SERINC2: variants seen among roughly 807,000 people sequenced by gnomAD.
SERINC2 encodes the protein serine incorporator 2.
Under a neutral mutation model 54.2 loss-of-function variants are expected in SERINC2, and 56 were observed. That is an observed-to-expected ratio of 1.03 (90% confidence interval 0.83 to 1.29). SERINC2 has a LOEUF of 1.29. Ranked by LOEUF, SERINC2 falls within the 50% of genes most tolerant of loss-of-function variation. SERINC2 has a pLI of 0.00. For missense variants in SERINC2, 614 were observed against 607.4 expected (o/e 1.01, Z -0.12); for synonymous variants, 272 against 253.1 (o/e 1.07, Z -0.71).
chr1:31,415,330 TG>T (rs1640756851), intron 1 of SERINC2, among the ~76,000 whole-genome samples: 1 of 152,188 alleles, frequency 6.6e-6, no homozygotes, highest in African/African-American at 2.4e-5. Context: ...GCCATCCCCT[TG>T]GGGTTCTGGC....
chr1:31,413,731 C>T lies in SERINC2; in HGVS notation c.39+427C>T. On this transcript the variant is annotated intron_variant, in intron 1 of 9. Transcript: ENST00000373709. The surrounding 1 kb of genome is among the most constrained non-coding windows in gnomAD (Gnocchi z 5.0). ...TGTGTAGGTCGCCCGGGCCCCGTCC[C>T]TCCTGGCGAGTGCCCTGCCCTACCC... is the stretch of plus-strand genomic sequence containing the variant. The T allele has an allele frequency of 7.6e-7, 1 of 1,315,420 alleles. No homozygotes were observed. Among genetic ancestry groups the T allele is most frequent in the East Asian group, 3.3e-5 (1 of 30,406 alleles). The allele number at this position is 1,315,420 out of a possible 1,614,324, so 81.5% of individuals were successfully genotyped here.
At chr1:31,420,995 G>A (rs747439037) in intron 1 of SERINC2, among the ~76,000 whole-genome samples, 10 of 152,154 alleles carry the variant, frequency 6.6e-5, no homozygotes, top group Non-Finnish European at 1.0e-4. Flanking sequence ...TTATAGCAGG[G>A]GTCCCCAACC....
rs1433431883 is a variant in SERINC2, at chr1:31,413,895, G to T, written c.39+591G>T. The T allele has an allele frequency of 2.8e-6, 4 of 1,445,804 alleles. No homozygotes were observed. The highest frequency in any genetic ancestry group is 3.6e-6 in the Non-Finnish European group (4 of 1,107,080). 89.6% of individuals were successfully genotyped at this position (1,445,804 alleles called of 1,614,324 possible). ...CTGTCTTCTGTCCGTCTGCCCGTCC[G>T]CCCGTCCGTCCCTCAGTCTCTCTGC... is the stretch of plus-strand genomic sequence containing the variant. On this transcript the variant is annotated intron_variant, in intron 1 of 9. Coordinates refer to ENST00000373709, the MANE Select transcript of SERINC2 (RefSeq NM_178865.5). This position sits in a 1 kb window ranked among gnomAD's most constrained non-coding sequence, Gnocchi z 5.0.
intron 8 of SERINC2, 33 bp downstream of exon 8, chr1:31,429,571 A>G (rs10047085): frequency 0.38 from 599,899 of 1,563,714 alleles, 116,223 homozygotes; most frequent in East Asian, 0.48. Context: ...GGGAAGGATC[A>G]TGATTGAGGG....
chr1:31,417,624 C>G (rs889335667), intron 1 of SERINC2, among the ~76,000 whole-genome samples: 1 of 152,274 alleles, frequency 6.6e-6, no homozygotes, highest in Non-Finnish European at 1.5e-5. Flanking sequence ...GCAACCATCA[C>G]CACCATCCTT....
intron 8 of SERINC2, among the ~76,000 whole-genome samples, chr1:31,432,400 G>C (rs1307997470): frequency 2.6e-5 from 4 of 152,044 alleles, no homozygotes; most frequent in African/African-American, 4.8e-5. Context: ...TCACAGAAAA[G>C]CATGACATAC....
In SERINC2 at chr1:31,434,494, T is replaced by G; in HGVS notation, c.*295T>G. On this transcript the variant is annotated 3_prime_UTR_variant, in exon 10 of 10. Coordinates refer to ENST00000373709, the MANE Select transcript of SERINC2 (RefSeq NM_178865.5). ...CATCTCGGATGAAAGGGCTCCCTTG[T>G]CCTCAGGCTCCACGGGAGCGGGGCT... The G allele has an allele frequency of 2.4e-6, 1 of 413,790 alleles. No homozygotes were observed. Among genetic ancestry groups the G allele is most frequent in the Non-Finnish European group, 4.4e-6 (1 of 228,672 alleles). 25.6% of individuals were successfully genotyped at this position (413,790 alleles called of 1,614,324 possible).
At chr1:31,426,857 C>G in intron 6 of SERINC2, 34 bp downstream of exon 6, 1 of 1,597,846 alleles carries the variant, frequency 6.3e-7, no homozygotes, top group African/African-American at 1.3e-5. Context: ...GCCTGAAGCC[C>G]GGCCCCTTAG....
intron 1 of SERINC2, among the ~76,000 whole-genome samples, chr1:31,417,610 T>C (rs1050583957): frequency 1.2e-4 from 19 of 152,224 alleles, no homozygotes; most frequent in African/African-American, 4.3e-4. Context: ...ATTGACACTG[T>C]TATGCAACCA....
At chr1:31,412,323 C>T (rs1640664566), upstream of SERINC2, among the ~76,000 whole-genome samples, 1 of 152,238 alleles carries the variant, frequency 6.6e-6, no homozygotes, top group African/African-American at 2.4e-5. Flanking sequence ...GGAATGTGGC[C>T]GCCCCTCCCC....
In SERINC2 at chr1:31,433,164, T is replaced by C; in HGVS notation, c.1211T>C (p.Met404Thr). ...GTGCTGGCCTCACTGCACGTCATGA[T>C]GACGCTCACCAACTGGTACAAGTGC... is the stretch of plus-strand genomic sequence containing the variant. ...CLVLASLHVMMTLTNWYKPGE... is the reference protein window; with the variant it reads ...CLVLASLHVMTTLTNWYKPGE... Residue 404 changes from methionine to threonine, a missense_variant, in exon 9 of 10, where the codon ATG (methionine) becomes ACG (threonine). Transcript: ENST00000373709. 2 of 1,613,688 alleles carry C rather than the reference T, an allele frequency of 1.2e-6. No homozygotes were observed. Among genetic ancestry groups the C allele is most frequent in the Non-Finnish European group, 1.7e-6 (2 of 1,179,954 alleles).
intron 8 of SERINC2, among the ~76,000 whole-genome samples, chr1:31,430,905 A>G (rs1376676799): frequency 1.3e-5 from 2 of 152,148 alleles, no homozygotes; most frequent in African/African-American, 4.8e-5. Flanking sequence ...TCCCAGTTCC[A>G]ACAGCACCCC....
intron 6 of SERINC2, 82 bp from the exon 7 acceptor site, chr1:31,428,896 G>A (rs1175382706): frequency 2.6e-6 from 3 of 1,135,252 alleles, no homozygotes; most frequent in Non-Finnish European, 3.9e-6. Flanking sequence ...AGTTTCTGAG[G>A]TCCCTTGGCT....
At chr1:31,424,193 A>T (rs1444412442) in intron 2 of SERINC2, among the ~76,000 whole-genome samples, 1 of 152,140 alleles carries the variant, frequency 6.6e-6, no homozygotes, top group Non-Finnish European at 1.5e-5. Flanking sequence ...GCACAGACCC[A>T]GGGGGACGTG....
chr1:31,432,297 T>C (rs1641322808), intron 8 of SERINC2, among the ~76,000 whole-genome samples: 1 of 151,164 alleles, frequency 6.6e-6, no homozygotes, highest in African/African-American at 2.4e-5. Context: ...GGAATCCAGC[T>C]CTCCTTTTCA....
intron 8 of SERINC2, among the ~76,000 whole-genome samples, chr1:31,432,026 TGGACAG>T: frequency 7.8e-6 from 1 of 127,406 alleles, no homozygotes; most frequent in African/African-American, 3.3e-5. Context: ...GTGGACAGGG[TGGACAG>T]GGTGGACAGG....
At position 31,432,124 on chromosome 1, in the gene SERINC2, G is replaced by A. The variant is rs1229328206; in HGVS notation, c.1014-843G>A. Among the ~76,000 whole-genome samples the A allele has an allele frequency of 2.4e-4, 32 of 132,892 alleles. 1 individual carries two copies. The highest frequency in any genetic ancestry group is 5.2e-4 in the East Asian group (2 of 3,852). 87.2% of individuals were successfully genotyped at this position (132,892 alleles called of 152,430 possible). On this transcript the variant is annotated intron_variant, in intron 8 of 9. Coordinates refer to ENST00000373709, the MANE Select transcript of SERINC2 (RefSeq NM_178865.5). ...GGACAGGGTGGATAGGGTGGTTAGG[G>A]TGGATAGGGTGGACAGGGTGGACAG...
At chr1:31,423,895 G>C in intron 2 of SERINC2, 41 bp downstream of exon 2, 1 of 1,592,466 alleles carries the variant, frequency 6.3e-7, no homozygotes, top group Admixed American at 1.7e-5. Flanking sequence ...CCAGCGAGGG[G>C]CGTCAGTGGC....
At chr1:31,432,284 G>T (rs1343489132) in intron 8 of SERINC2, among the ~76,000 whole-genome samples, 1 of 151,766 alleles carries the variant, frequency 6.6e-6, no homozygotes, top group East Asian at 2.0e-4. Context: ...GGGTGGCGGG[G>T]CTGGAATCCA....
Sources: allele counts gnomAD v4.1 joint callset (sites outside exome capture counted in the v4.1 genomes callset), GRCh38; gene constraint gnomAD v4.1.1; non-coding constraint Gnocchi (gnomAD v3.1); transcripts MANE v1.5; gene names NCBI Gene and HGNC (gene_info 2026-07-23, HGNC 2026-07-21).